Variants in NDRG3 observed in about 807,000 individuals in gnomAD.
NDRG3 encodes protein NDRG3.
Under a neutral mutation model 57.2 loss-of-function variants are expected in NDRG3, and 23 were observed. That is an observed-to-expected ratio of 0.40 (90% CI 0.29 to 0.57). The LOEUF (loss-of-function observed/expected upper bound fraction) is 0.57. Among genes scored for constraint, NDRG3 ranks in the 20% least tolerant of loss-of-function variants. NDRG3 has a pLI of 0.42. For missense variants in NDRG3, 384 were observed against 457.3 expected (o/e 0.84, Z 1.46); for synonymous variants, 132 against 162.6 (o/e 0.81, Z 1.43).
chr20:36,682,597 G>T lies in NDRG3; in HGVS notation c.384-19C>A, dbSNP rs771184591. The T allele has an allele frequency of 1.4e-5, 23 of 1,608,890 alleles. No homozygotes were observed. The highest frequency in any genetic ancestry group is 1.9e-5 in the Non-Finnish European group (22 of 1,176,012). On this transcript the variant is annotated intron_variant, in intron 6 of 15. Coordinates refer to ENST00000349004, the MANE Select transcript of NDRG3 (RefSeq NM_032013.4). ...TTTCAGGCTGTGAATGGGACATAACGACAACTGACAGAGTCAACTTCATTT... is the reference window on the plus strand; with the variant it reads ...TTTCAGGCTGTGAATGGGACATAACTACAACTGACAGAGTCAACTTCATTT...
At chr20:36,667,196 C>G (rs1400023922) in intron 9 of NDRG3, among the ~76,000 whole-genome samples, 1 of 152,166 alleles carries the variant, frequency 6.6e-6, no homozygotes, top group Non-Finnish European at 1.5e-5. Context: ...TAATATTACA[C>G]ATTGTATAAT....
At chr20:36,693,242 A>G (rs1013315833) in intron 3 of NDRG3, among the ~76,000 whole-genome samples, 5 of 145,232 alleles carry the variant, frequency 3.4e-5, no homozygotes, top group East Asian at 2.0e-4. Context: ...ATATGTGTGT[A>G]TATATATATT....
chr20:36,654,830 A>G (rs940008497), intron 15 of NDRG3: 1 of 779,676 alleles, frequency 1.3e-6, no homozygotes, highest in Non-Finnish European at 2.4e-6. Flanking sequence ...ACTGAGCTGC[A>G]CATACGGGAC....
rs987449670 is a variant in NDRG3 at position 36,669,927 on chromosome 20, ACTG to A, written c.588+1411_588+1413del. Reference sequence around the variant, plus strand: ...AATTTGTAGTATATTAATACAATGAACTGCTGCTACACAGTAATAAAAAAGAAT... The same window carrying A: ...AATTTGTAGTATATTAATACAATGAACTGCTACACAGTAATAAAAAAGAAT... On this transcript the variant is annotated intron_variant, in intron 9 of 15. Transcript: ENST00000349004. 1.1e-3 allele frequency among the ~76,000 whole-genome samples: 172 copies of A among 152,332 alleles called. 1 individual carries two copies. Among genetic ancestry groups the A allele is most frequent in the African/African-American group, 4.0e-3 (165 of 41,578 alleles).
At chr20:36,707,878 G>T (rs1236631526) in intron 2 of NDRG3, among the ~76,000 whole-genome samples, 2 of 152,140 alleles carry the variant, frequency 1.3e-5, no homozygotes, top group Non-Finnish European at 2.9e-5. Context: ...GAGGTCAGGA[G>T]TTTGTGGGCA....
At chr20:36,709,700 G>C (rs1319282884) in intron 2 of NDRG3, among the ~76,000 whole-genome samples, 1 of 152,168 alleles carries the variant, frequency 6.6e-6, no homozygotes, top group Non-Finnish European at 1.5e-5. Context: ...GCAAAAGAAA[G>C]GGTCCTCTCA....
Position 36,687,631 on chromosome 20 carries a change from C to G in NDRG3, c.200-19G>C. 1 of 1,609,190 alleles carries G rather than the reference C, an allele frequency of 6.2e-7. No homozygotes were observed. The highest frequency in any genetic ancestry group is 8.5e-7 in the Non-Finnish European group (1 of 1,177,226). ...GATTTATCTATAAGAATAAAAATAC[C>G]CATAAGTCACAGGCTCTCCATATCG... On this transcript the variant is annotated intron_variant, in intron 4 of 15. Transcript: ENST00000349004.
chr20:36,702,518 A>G (rs1168725536), intron 3 of NDRG3, among the ~76,000 whole-genome samples: 1 of 151,794 alleles, frequency 6.6e-6, no homozygotes, highest in East Asian at 1.9e-4. Context: ...TTTGTTATAC[A>G]AGATTTTTGT....
Position 36,671,398 on chromosome 20 carries a change from C to G in NDRG3, c.532-1G>C. ...CAACATTGGTTGTCAGGCCAGAGAG[C>G]TGAAAAGATAAAAACTCTGTGTTAA... On this transcript the variant is annotated splice_acceptor_variant, in intron 8 of 15. Coordinates refer to ENST00000349004, the MANE Select transcript of NDRG3 (RefSeq NM_032013.4). LOFTEE classifies it high-confidence loss of function. 1 of 1,613,362 alleles carries G rather than the reference C, an allele frequency of 6.2e-7. No homozygotes were observed. The highest frequency in any genetic ancestry group is 8.5e-7 in the Non-Finnish European group (1 of 1,179,648).
intron 12 of NDRG3, among the ~76,000 whole-genome samples, chr20:36,661,400 G>A (rs78908015): frequency 0.018 from 2,676 of 152,214 alleles, 69 homozygotes; most frequent in African/African-American, 0.061. Context: ...GGATTTCTCC[G>A]TTTATATGTT....
intron 3 of NDRG3, among the ~76,000 whole-genome samples, chr20:36,693,072 CAAAAAAAAAAAAAAAAAAAAAA>C (rs1166724972): frequency 5.7e-3 from 26 of 4,528 alleles, no homozygotes; most frequent in South Asian, 0.029. Flanking sequence ...GACCCTGTCT[CAAAAAAAAAAAAAAAAAAAAAA>C]AAAAAAAAAA....
chr20:36,739,131 T>TC (rs1985770995), intron 1 of NDRG3, among the ~76,000 whole-genome samples: 1 of 49,710 alleles, frequency 2.0e-5, no homozygotes, highest in African/African-American at 8.9e-5. Flanking sequence ...CGAGACCCCA[T>TC]CTCAAAAAAA....
rs1045587497 is a variant in NDRG3 at position 36,652,980 on chromosome 20, C to T, written c.*540G>A. 1.3e-5 allele frequency: 2 copies of T among 152,630 alleles called. No homozygotes were observed. The highest frequency in any genetic ancestry group is 2.9e-5 in the Non-Finnish European group (2 of 68,092). 9.5% of individuals were successfully genotyped at this position (152,630 alleles called of 1,614,324 possible). ...TGATTTTCCACATTCCTCAAAGCTG[C>T]TCTCTCCTGAAATCACTTTGCAAAT... On this transcript the variant is annotated 3_prime_UTR_variant, in exon 16 of 16. Coordinates refer to ENST00000349004, the MANE Select transcript of NDRG3 (RefSeq NM_032013.4).
chr20:36,727,298 C>CACTG (rs1404848825), intron 1 of NDRG3, among the ~76,000 whole-genome samples: 1 of 152,106 alleles, frequency 6.6e-6, no homozygotes, highest in East Asian at 1.9e-4. Flanking sequence ...CAGCTCACTG[C>CACTG]AACCTCCGCC....
intron 2 of NDRG3, among the ~76,000 whole-genome samples, chr20:36,715,147 T>C (rs1463928385): frequency 1.3e-5 from 2 of 150,082 alleles, no homozygotes; most frequent in Non-Finnish European, 3.0e-5. Flanking sequence ...GATACTTGGA[T>C]AAAACTATCT....
At chr20:36,707,032 A>G (rs767446700) in intron 2 of NDRG3, 25 bp from the exon 3 acceptor site, 34 of 1,611,886 alleles carry the variant, frequency 2.1e-5, no homozygotes, top group Non-Finnish European at 2.8e-5. Context: ...CAGAAAACAC[A>G]GTCAGTTTCC....
intron 15 of NDRG3, chr20:36,654,740 GGCAGCCAGT>G: frequency 2.6e-6 from 2 of 778,406 alleles, no homozygotes; most frequent in Non-Finnish European, 4.8e-6. Context: ...ACATGCTGCA[GGCAGCCAGT>G]GCAGCCAGGA....
chr20:36,738,845 C>T (rs1345684740), intron 1 of NDRG3, among the ~76,000 whole-genome samples: 1 of 139,120 alleles, frequency 7.2e-6, no homozygotes, highest in African/African-American at 2.7e-5. Flanking sequence ...AAAAAGGAAC[C>T]AGCCAGAGTG....
At chr20:36,707,475 T>C (rs2148169790) in intron 2 of NDRG3, among the ~76,000 whole-genome samples, 1 of 152,162 alleles carries the variant, frequency 6.6e-6, no homozygotes, top group Middle Eastern at 3.4e-3. Context: ...AAGATATGGA[T>C]GGATCAGAAA....
Sources: allele counts gnomAD v4.1 joint callset (sites outside exome capture counted in the v4.1 genomes callset), GRCh38; gene constraint gnomAD v4.1.1; transcripts MANE v1.5; gene names NCBI Gene and HGNC (gene_info 2026-07-23, HGNC 2026-07-21).